NBEA: variants seen among roughly 807,000 people sequenced by gnomAD.
The protein encoded by NBEA is neurobeachin, also known as lysosomal-trafficking regulator 2.
A neutral mutation model predicts 343.4 loss-of-function variants in NBEA; 44 were observed. The observed-to-expected ratio is 0.13, with a 90% confidence interval of 0.10 to 0.16. The LOEUF (loss-of-function observed/expected upper bound fraction) is 0.16. Ranked by LOEUF, NBEA falls within the 10% of genes least tolerant of loss-of-function variation. The pLI is 1.00. For synonymous variants in NBEA, 1,175 were observed against 1,238.7 expected (o/e 0.95, Z 1.08); for missense variants, 2,555 against 3,631.3 (o/e 0.70, Z 7.62).
intron 1 of NBEA, among the ~76,000 whole-genome samples, chr13:35,014,866 C>T (rs760587778): frequency 2.6e-5 from 4 of 151,844 alleles, no homozygotes; most frequent in African/African-American, 4.8e-5. Context: ...TTGAAGAGCA[C>T]GAGACAGGCC....
chr13:35,312,315 T>C (rs2037423334), intron 36 of NBEA, among the ~76,000 whole-genome samples: 1 of 152,118 alleles, frequency 6.6e-6, no homozygotes, highest in African/African-American at 2.4e-5. Flanking sequence ...AGGAATGCCA[T>C]TTGAGAGATC....
chr13:35,668,783 TACTCCC>T (rs1217515189), intron 58 of NBEA, among the ~76,000 whole-genome samples: 3 of 152,182 alleles, frequency 2.0e-5, no homozygotes, highest in Admixed American at 1.3e-4. Flanking sequence ...ACATAGAACT[TACTCCC>T]ACCAAGTTCC....
chr13:35,439,723 A>C (rs1292634496), intron 39 of NBEA, among the ~76,000 whole-genome samples: 1 of 152,252 alleles, frequency 6.6e-6, no homozygotes, highest in Non-Finnish European at 1.5e-5. Flanking sequence ...TAGAACTTAA[A>C]GTATAATAAA....
At chr13:35,333,852 A>G (rs2039080162) in intron 36 of NBEA, among the ~76,000 whole-genome samples, 1 of 152,074 alleles carries the variant, frequency 6.6e-6, no homozygotes, top group Non-Finnish European at 1.5e-5. Flanking sequence ...AGTTACATCA[A>G]TGTTGTTGCA....
At chr13:35,587,387 A>T (rs189008466) in intron 46 of NBEA, among the ~76,000 whole-genome samples, 1 of 152,254 alleles carries the variant, frequency 6.6e-6, no homozygotes. Flanking sequence ...GAAAACACTG[A>T]AACTAGAGAT....
intron 38 of NBEA, among the ~76,000 whole-genome samples, chr13:35,389,911 G>GT (rs1236358666): frequency 6.8e-6 from 1 of 147,458 alleles, no homozygotes; most frequent in African/African-American, 2.5e-5. Context: ...TAAGATTACA[G>GT]TTTTTTTCTA....
chr13:35,016,010 G>T (rs2061645025), intron 1 of NBEA, among the ~76,000 whole-genome samples: 1 of 152,028 alleles, frequency 6.6e-6, no homozygotes, highest in Non-Finnish European at 1.5e-5. Context: ...TTACACAGTT[G>T]CATTAGAATT....
intron 8 of NBEA, among the ~76,000 whole-genome samples, chr13:35,062,518 C>T (rs1490006459): frequency 6.6e-6 from 1 of 151,630 alleles, no homozygotes; most frequent in Non-Finnish European, 1.5e-5. Flanking sequence ...AAAATAAATG[C>T]AAAGAGAACC....
chr13:35,048,742 G>T, intron 5 of NBEA, 58 bp downstream of exon 5: 1 of 997,700 alleles, frequency 1.0e-6, no homozygotes, highest in Admixed American at 2.5e-5. Flanking sequence ...TTCTATAAAT[G>T]TATAGTCTCA....
chr13:35,070,755 G>T lies in NBEA; in HGVS notation c.1474G>T (p.Ala492Ser). ...KAIVTHSIHS[A>S]IHSIGGIQVL... The stretch of plus-strand genomic sequence containing the variant: ...GATAGTAACACATTCAATTCATAGT[G>T]CAATTCATTCAATTGGAGGGATTCA... The change falls in exon 10 of 59, where the codon GCA becomes TCA. Residue 492 changes from alanine to serine, a missense_variant. Physicochemically the swap from Ala to Ser is moderately conservative, Grantham distance 99. Transcript: ENST00000379939. 2 of 1,607,528 alleles carry T rather than the reference G, an allele frequency of 1.2e-6. No individual in the cohort carries two copies. The highest frequency in any genetic ancestry group is 1.3e-5 in the African/African-American group (1 of 74,850).
At chr13:35,260,653 C>T (rs1463454266) in intron 34 of NBEA, among the ~76,000 whole-genome samples, 1 of 152,186 alleles carries the variant, frequency 6.6e-6, no homozygotes, top group Non-Finnish European at 1.5e-5. Context: ...AGAAATCTGC[C>T]TATAAGCCCC....
chr13:35,139,587 G>T (rs964361522), intron 17 of NBEA, among the ~76,000 whole-genome samples: 1 of 151,922 alleles, frequency 6.6e-6, no homozygotes, highest in African/African-American at 2.4e-5. Flanking sequence ...AGATCTTAAA[G>T]GTAATTATGA....
At chr13:35,400,850 C>CT (rs960536341) in intron 38 of NBEA, among the ~76,000 whole-genome samples, 52 of 146,334 alleles carry the variant, frequency 3.6e-4, no homozygotes, top group East Asian at 8.0e-4. Flanking sequence ...ACTGATAAAC[C>CT]TTTTTTTTTT....
At chr13:35,332,327 G>A (rs988353314) in intron 36 of NBEA, among the ~76,000 whole-genome samples, 8 of 151,996 alleles carry the variant, frequency 5.3e-5, no homozygotes, top group Non-Finnish European at 4.4e-5. Context: ...GTTATAAGAA[G>A]AAGAAATGGC....
rs370647004 is a variant in NBEA, at chr13:35,657,804, G to A, written c.8362+2055G>A. Among the ~76,000 whole-genome samples the A allele has an allele frequency of 9.2e-5, 14 of 151,960 alleles. No individual in the cohort carries two copies. The South Asian group carries it at 1.2e-3, about 14-fold the overall frequency. ...AGAGCTTTAAATCTAATTAATTACC[G>A]TCTTCAAAATGAAGCCCAGAAATGA... On this transcript the variant is annotated intron_variant, in intron 55 of 58. Coordinates refer to ENST00000379939, the MANE Select transcript of NBEA (RefSeq NM_001385012.1).
At chr13:35,253,426 G>A (rs956297027) in intron 34 of NBEA, among the ~76,000 whole-genome samples, 4 of 152,192 alleles carry the variant, frequency 2.6e-5, no homozygotes, top group Admixed American at 6.5e-5. Context: ...ACACTTAGTA[G>A]ATTATAGTAT....
At chr13:35,050,944 A>T (rs1398028899) in intron 6 of NBEA, among the ~76,000 whole-genome samples, 1 of 152,040 alleles carries the variant, frequency 6.6e-6, no homozygotes, top group East Asian at 1.9e-4. Context: ...CTCAAATAAT[A>T]GCAGAGACAA....
At chr13:35,045,504 A>G (rs1009237116) in intron 4 of NBEA, 103 bp downstream of exon 4, 1 of 897,062 alleles carries the variant, frequency 1.1e-6, no homozygotes, top group African/African-American at 1.7e-5. Context: ...TAGAAAGCAC[A>G]ACTTGATGAG....
intron 46 of NBEA, among the ~76,000 whole-genome samples, chr13:35,584,487 AT>A (rs1029315205): frequency 7.1e-6 from 1 of 139,912 alleles, no homozygotes; most frequent in Non-Finnish European, 1.6e-5. Context: ...CGCATCTATT[AT>A]TTTTTTATTT....
Sources: gnomAD v4.1 joint callset for allele counts (sites outside exome capture counted in the v4.1 genomes callset) on GRCh38, gnomAD v4.1.1 for gene constraint, MANE v1.5 for transcripts, NCBI Gene and HGNC (gene_info 2026-07-23, HGNC 2026-07-21) for gene names.